CENPF: variants seen among roughly 807,000 people sequenced by gnomAD.
CENPF encodes the protein AH antigen.
A neutral mutation model predicts 307.3 loss-of-function variants in CENPF; 214 were observed. The ratio of observed to expected loss-of-function variants is 0.70; its 90% CI spans 0.62 to 0.78. The LOEUF (loss-of-function observed/expected upper bound fraction) is 0.78. Ranked by LOEUF, CENPF falls within the 30% of genes least tolerant of loss-of-function variation. The pLI is 0.00. For synonymous variants in CENPF, 1,259 were observed against 1,270.6 expected (o/e 0.99, Z 0.19); for missense variants, 3,401 against 3,483.9 (o/e 0.98, Z 0.60).
At position 214,630,389 on chromosome 1, in the gene CENPF, G is replaced by T. The variant is rs1416187544; in HGVS notation, c.1195-145G>T. 91 of 952,554 alleles carry T rather than the reference G, an allele frequency of 9.6e-5. 1 individual carries two copies. The East Asian group carries it at 2.2e-3, about 23-fold the overall frequency. The allele number at this position is 952,554 out of a possible 1,614,324, so 59.0% of individuals were successfully genotyped here. A position where few individuals can be genotyped will look rare whatever the true frequency, so the allele number is the denominator to read the frequency against. ...AGCATGGAGCACCAAGGCTGACTAT[G>T]TTCATCGTTAAGTGGACAGTTGGCT... On this transcript the variant is annotated intron_variant, in intron 8 of 19. Coordinates refer to ENST00000366955, the MANE Select transcript of CENPF (RefSeq NM_016343.4).
chr1:214,641,853 A>T lies in CENPF; in HGVS notation c.3515A>T (p.Glu1172Val). The T allele has an allele frequency of 6.2e-7, 1 of 1,609,378 alleles. No individual in the cohort carries two copies. The highest frequency in any genetic ancestry group is 8.5e-7 in the Non-Finnish European group (1 of 1,178,944). Reference sequence around the variant, plus strand: ...CATGAATGTCAAAATCTAGAATCAGAACCAATTAGGAACTCTGTGAAAGAA... The same window carrying T: ...CATGAATGTCAAAATCTAGAATCAGTACCAATTAGGAACTCTGTGAAAGAA... ...TKHECQNLES[E>V]PIRNSVKERE... Residue 1172 changes from glutamate to valine, a missense_variant, in exon 12 of 20, where the codon GAA (glutamate) becomes GTA (valine). Coordinates refer to ENST00000366955, the MANE Select transcript of CENPF (RefSeq NM_016343.4).
At chr1:214,632,079 T>C (rs951213335) in intron 9 of CENPF, among the ~76,000 whole-genome samples, 4 of 152,242 alleles carry the variant, frequency 2.6e-5, no homozygotes, top group African/African-American at 9.6e-5. Flanking sequence ...TTTTGTTCAA[T>C]CATAGAGCGC....
chr1:214,617,550 C>G (rs1264466612), intron 3 of CENPF, among the ~76,000 whole-genome samples: 1 of 152,098 alleles, frequency 6.6e-6, no homozygotes, highest in African/African-American at 2.4e-5. Context: ...CATGATAGTT[C>G]TGAATACCTT....
At position 214,659,169 on chromosome 1, in the gene CENPF, T is replaced by C; in HGVS notation, c.9141+141T>C. On this transcript the variant is annotated intron_variant, in intron 19 of 19. Transcript: ENST00000366955. This position sits in a 1 kb window ranked among gnomAD's most constrained non-coding sequence, Gnocchi z 4.4. ...TCTTGGTGTGGTGTAAGTCAGTCAG[T>C]AGTGAGCAAGTGACCGGGTGAGCAT... 1.3e-6 allele frequency: 1 copy of C among 777,856 alleles called. No homozygotes were observed. Among genetic ancestry groups the C allele is most frequent in the South Asian group, 1.8e-5 (1 of 55,116 alleles). The allele number at this position is 777,856 out of a possible 1,614,324, so 48.2% of individuals were successfully genotyped here. A position where few individuals can be genotyped will look rare whatever the true frequency, so the allele number is the denominator to read the frequency against.
chr1:214,656,800 C>T (rs900209069), intron 17 of CENPF, 133 bp from the exon 18 acceptor site: 1 of 635,062 alleles, frequency 1.6e-6, no homozygotes, highest in Non-Finnish European at 2.7e-6. Flanking sequence ...AGAACATATA[C>T]AGATATATCT....
Position 214,613,793 on chromosome 1 carries a change from T to C in CENPF, c.39T>C (p.Pro13=). The C allele has an allele frequency of 6.2e-7, 1 of 1,613,018 alleles. No homozygotes were observed. The change falls in exon 2 of 20, where the codon CCT becomes CCC. Residue 13 remains proline, a synonymous_variant. Coordinates refer to ENST00000366955, the MANE Select transcript of CENPF (RefSeq NM_016343.4). ...WALEEWKEGL[P]TRALQKIQEL... Reference sequence around the variant, plus strand: ...TGGAAGAATGGAAAGAAGGGCTGCCTACAAGAGCTCTTCAGAAAATTCAAG... The same window carrying C: ...TGGAAGAATGGAAAGAAGGGCTGCCCACAAGAGCTCTTCAGAAAATTCAAG...
rs1350342729 is a variant in CENPF at position 214,646,089 on chromosome 1, G to A, written c.6519G>A (p.Val2173=). The A allele has an allele frequency of 1.9e-6, 3 of 1,613,956 alleles. No individual in the cohort carries two copies. The highest frequency in any genetic ancestry group is 1.7e-5 in the Admixed American group (1 of 59,992). The change falls in exon 13 of 20, where the codon GTG becomes GTA. Residue 2173 remains valine, a synonymous_variant. Transcript: ENST00000366955. ...TGTCAGAAGAAAACCAGGAGCTAGT[G>A]ATTCTTGATGCCGAGAATTCCAAAG... is the stretch of plus-strand genomic sequence containing the variant. ...LQMSEENQEL[V]ILDAENSKAE...
chr1:214,652,225 T>C (rs1020833653), intron 15 of CENPF, among the ~76,000 whole-genome samples: 18 of 149,478 alleles, frequency 1.2e-4, no homozygotes, highest in South Asian at 8.6e-4. Flanking sequence ...TTAGTAGTGA[T>C]GGGGTTTCAC....
Position 214,613,927 on chromosome 1 carries a change from A to G in CENPF, c.162+11A>G. 2.5e-6 allele frequency: 4 copies of G among 1,600,842 alleles called. No homozygotes were observed. Among genetic ancestry groups the G allele is most frequent in the Non-Finnish European group, 3.4e-6 (4 of 1,176,038 alleles). On this transcript the variant is annotated intron_variant, in intron 2 of 19. Transcript: ENST00000366955. ...AAGCAAAAACAGAAGGTACCCCTGAAGCTCTGGTATTTGTAGCTGTTCACT... is the reference window on the plus strand; with the variant it reads ...AAGCAAAAACAGAAGGTACCCCTGAGGCTCTGGTATTTGTAGCTGTTCACT...
intron 16 of CENPF, chr1:214,653,196 T>C (rs545850929): frequency 6.5e-5 from 35 of 537,978 alleles, no homozygotes; most frequent in Middle Eastern, 9.9e-4. Flanking sequence ...AAGCTATCCA[T>C]TGCCTCATGC....
At chr1:214,632,792 ACT>A (rs1315060728) in intron 10 of CENPF, among the ~76,000 whole-genome samples, 190 bp downstream of exon 10, 3 of 152,112 alleles carry the variant, frequency 2.0e-5, no homozygotes, top group Non-Finnish European at 4.4e-5. Context: ...TTATTTTTCT[ACT>A]CTCTATTCTG....
At chr1:214,649,807 G>A (rs1443590282) in intron 14 of CENPF, among the ~76,000 whole-genome samples, 1 of 152,130 alleles carries the variant, frequency 6.6e-6, no homozygotes, top group Non-Finnish European at 1.5e-5. Flanking sequence ...TTATGTATGG[G>A]CACTACTGAG....
At chr1:214,622,677 T>G (rs1215269379) in intron 7 of CENPF, among the ~76,000 whole-genome samples, 1 of 151,812 alleles carries the variant, frequency 6.6e-6, no homozygotes, top group Non-Finnish European at 1.5e-5. Flanking sequence ...AGTTGGTCCA[T>G]TGTACCCATG....
At chr1:214,603,485 A>T (rs780855797) in intron 1 of CENPF, 164 bp downstream of exon 1, 2 of 151,974 alleles carry the variant, frequency 1.3e-5, no homozygotes, top group Non-Finnish European at 2.9e-5. Flanking sequence ...CTCCCACCCG[A>T]CCGAACTGGA....
At chr1:214,608,139 A>G (rs1481354096) in intron 1 of CENPF, among the ~76,000 whole-genome samples, 1 of 152,180 alleles carries the variant, frequency 6.6e-6, no homozygotes, top group African/African-American at 2.4e-5. Flanking sequence ...AGCCATGTGG[A>G]GGCTGCACCT....
In CENPF at chr1:214,611,372, T is replaced by C. The variant is rs1434053840; in HGVS notation, c.-41-2342T>C. On this transcript the variant is annotated intron_variant, in intron 1 of 19. Transcript: ENST00000366955. ...TCTTTGAGCAGTGTTTTCTAATTCTTTTTTTTTTTGAGATGGAGTTTCGCT... is the reference window on the plus strand; with the variant it reads ...TCTTTGAGCAGTGTTTTCTAATTCTCTTTTTTTTTGAGATGGAGTTTCGCT... Among the ~76,000 whole-genome samples the C allele has an allele frequency of 2.7e-5, 4 of 149,992 alleles. 1 individual carries two copies. Among genetic ancestry groups the C allele is most frequent in the Non-Finnish European group, 5.9e-5 (4 of 67,270 alleles).
rs1658743419 is a variant in CENPF at position 214,659,721 on chromosome 1, G to A, written c.9141+693G>A. On this transcript the variant is annotated intron_variant, in intron 19 of 19. Coordinates refer to ENST00000366955, the MANE Select transcript of CENPF (RefSeq NM_016343.4). This position sits in a 1 kb window ranked among gnomAD's most constrained non-coding sequence, Gnocchi z 4.4. ...TTTTATTGAACTCTCACAGTAAGTG[G>A]TATTATAAAAGAGTGAAGAACGTGA... Among the ~76,000 whole-genome samples, 1 of 152,130 alleles carries A rather than the reference G, an allele frequency of 6.6e-6. No homozygotes were observed. Among genetic ancestry groups the A allele is most frequent in the Non-Finnish European group, 1.5e-5 (1 of 68,032 alleles).
Position 214,640,788 on chromosome 1 carries a change from A to G in CENPF, c.2450A>G (p.Glu817Gly). 2 of 1,609,972 alleles carry G rather than the reference A, an allele frequency of 1.2e-6. No homozygotes were observed. The highest frequency in any genetic ancestry group is 4.5e-5 in the East Asian group (2 of 44,872). ...MPSERSECRL[E>G]ADQSPKNSAI... ...TCAGAGAGGAGTGAATGTCGTTTAG[A>G]AGCAGACCAAAGTCCGAAAAATTCT... Residue 817 changes from glutamate to glycine, a missense_variant, in exon 12 of 20, where the codon GAA (glutamate) becomes GGA (glycine). Transcript: ENST00000366955.
intron 3 of CENPF, among the ~76,000 whole-genome samples, chr1:214,616,936 C>T (rs1657373177): frequency 9.6e-6 from 1 of 104,078 alleles, no homozygotes; most frequent in South Asian, 3.5e-4. Flanking sequence ...TTCTTTCCAC[C>T]CTCCCTCCCT....
Sources: gnomAD v4.1 joint callset for allele counts (sites outside exome capture counted in the v4.1 genomes callset) on GRCh38, gnomAD v4.1.1 for gene constraint, Gnocchi (gnomAD v3.1) non-coding constraint, MANE v1.5 for transcripts, NCBI Gene and HGNC (gene_info 2026-07-23, HGNC 2026-07-21) for gene names.